Variants in ARHGEF11 observed in about 807,000 individuals in gnomAD.
ARHGEF11 encodes Rho guanine exchange factor (GEF) 11.
A neutral mutation model predicts 193.7 loss-of-function variants in ARHGEF11; 55 were observed. The ratio of observed to expected loss-of-function variants is 0.28; its 90% CI spans 0.23 to 0.36. The LOEUF (loss-of-function observed/expected upper bound fraction) is 0.36, where lower values mean the gene tolerates loss of function less well. ARHGEF11 is among the 10% of genes least tolerant of loss of function. The probability of loss-of-function intolerance (pLI) is 1.00; values close to 1 mark genes in which losing one functional copy is unlikely to be tolerated. For synonymous variants in ARHGEF11, 693 were observed against 768.0 expected (o/e 0.90, Z 1.62); for missense variants, 1,723 against 2,005.6 (o/e 0.86, Z 2.69).
At chr1:156,944,192 A>T in intron 31 of ARHGEF11, 90 bp from the exon 32 acceptor site, 1 of 1,519,410 alleles carries the variant, frequency 6.6e-7, no homozygotes, top group Non-Finnish European at 8.9e-7. Context: ...TGGAGGCTCT[A>T]GGAAGTCCTG....
intron 1 of ARHGEF11, among the ~76,000 whole-genome samples, chr1:157,023,626 C>CG (rs1670263648): frequency 6.6e-6 from 1 of 152,068 alleles, no homozygotes; most frequent in South Asian, 2.1e-4. Context: ...ATTAGCCAGA[C>CG]GCAGTGGCAT....
At chr1:157,012,843 G>C (rs1395952158) in intron 1 of ARHGEF11, among the ~76,000 whole-genome samples, 1 of 152,084 alleles carries the variant, frequency 6.6e-6, no homozygotes, top group Non-Finnish European at 1.5e-5. Flanking sequence ...CATCATCACC[G>C]CCATCCTCAT....
intron 1 of ARHGEF11, among the ~76,000 whole-genome samples, chr1:156,999,098 G>T (rs917176972): frequency 6.6e-6 from 1 of 152,206 alleles, no homozygotes; most frequent in Non-Finnish European, 1.5e-5. Flanking sequence ...TGGCAGCCTA[G>T]ACATCTGGGT....
chr1:156,941,448 C>T lies in ARHGEF11; in HGVS notation c.3453-15G>A. On this transcript the variant is annotated splice_polypyrimidine_tract_variant and intron_variant, in intron 34 of 40. Transcript: ENST00000368194. ...CCAGTTCTACCCTGAGGAAGGAAAC[C>T]AACACAGGATGAGATCCCATGAGAT... 6.2e-7 allele frequency: 1 copy of T among 1,612,950 alleles called. No individual in the cohort carries two copies. The highest frequency in any genetic ancestry group is 1.3e-5 in the African/African-American group (1 of 75,004).
In ARHGEF11 at chr1:156,957,797, G is replaced by A. The variant is rs759926466; in HGVS notation, c.1521C>T (p.Asp507=). The change falls in exon 18 of 41, where the codon GAC becomes GAT. Residue 507 remains aspartate (D), a synonymous_variant. Coordinates refer to ENST00000368194, the MANE Select transcript of ARHGEF11 (RefSeq NM_198236.3). ...CACATCATAGACTTGCTTACCTCCT[G>A]TCTTCCTCATACTTGGACCTGGAAT... The part of the protein sequence containing the change: ...LGDILSKYEE[D]RSAPMDFALN... The A allele has an allele frequency of 5.6e-6, 9 of 1,614,126 alleles. No homozygotes were observed. Among genetic ancestry groups the A allele is most frequent in the Non-Finnish European group, 6.8e-6 (8 of 1,179,984 alleles).
upstream of ARHGEF11, among the ~76,000 whole-genome samples, chr1:157,046,836 C>CG (rs1360558182): frequency 6.7e-6 from 1 of 149,734 alleles, no homozygotes; most frequent in Non-Finnish European, 1.5e-5. Flanking sequence ...ATGGTGAAAC[C>CG]CCCCCCCTCT....
At chr1:156,945,922 A>G in intron 29 of ARHGEF11, 123 bp downstream of exon 29, 1 of 719,460 alleles carries the variant, frequency 1.4e-6, no homozygotes, top group Non-Finnish European at 2.3e-6. Flanking sequence ...CCACAACAGA[A>G]AAAGGACGAA....
rs750442493 is a variant in ARHGEF11 at position 156,968,018 on chromosome 1, G to A, written c.932C>T (p.Ser311Leu). 1.1e-5 allele frequency: 17 copies of A among 1,614,076 alleles called. No homozygotes were observed. The highest frequency in any genetic ancestry group is 1.7e-5 in the Admixed American group (1 of 60,004). The change falls in exon 11 of 41, where the codon TCG (serine) becomes TTG (leucine). Residue 311 changes from serine to leucine, a missense_variant. Physicochemically the swap from Ser to Leu is moderately radical, Grantham distance 145. This residue lies in a region of ARHGEF11 where 646 missense variants were observed against 710.7 expected (regional missense o/e 0.91). Transcript: ENST00000368194. ...ACCGGTTGAGGGGACTGCTGCATCC[G>A]AGCCCTGCCGCCTGTGGTGCTGGGC... ...RVAQHHRRQGSDAAVPSTGDQ... is the reference protein window; with the variant it reads ...RVAQHHRRQGLDAAVPSTGDQ...
chr1:156,968,170 C>G lies in ARHGEF11; in HGVS notation c.826-46G>C, dbSNP rs202210014. The G allele has an allele frequency of 4.8e-5, 76 of 1,574,764 alleles. No homozygotes were observed. The African/African-American group carries it at 9.5e-4, about 20-fold the overall frequency. On this transcript the variant is annotated intron_variant, in intron 10 of 40. Transcript: ENST00000368194. ...GTGAGAAGGAACCTTGTCCGGAAGA[C>G]CCTCAAGGCTCAGCTCATTTGGTGT...
At chr1:156,986,735 T>G (rs1664975452) in intron 1 of ARHGEF11, among the ~76,000 whole-genome samples, 1 of 152,148 alleles carries the variant, frequency 6.6e-6, no homozygotes, top group East Asian at 1.9e-4. Context: ...TCTTTGTCCC[T>G]CAAAGTTCCA....
rs143001729 is a variant in ARHGEF11, at chr1:156,941,922, C to T, written c.3394G>A (p.Val1132Ile). Residue 1132 changes from valine (V) to isoleucine (I), a missense_variant, in exon 34 of 41, where the codon GTC (valine) becomes ATC (isoleucine). Coordinates refer to ENST00000368194, the MANE Select transcript of ARHGEF11 (RefSeq NM_198236.3). The part of the protein sequence containing the change: ...TRHPGAAPMP[V>I]HPPPPGPREP... ...CGGGGACCTGGGGGTGGAGGATGGA[C>T]GGGCATTGGGGCAGCTCCGGGGTGC... is the stretch of plus-strand genomic sequence containing the variant. 2.0e-4 allele frequency: 318 copies of T among 1,613,884 alleles called. 2 individuals are homozygous for T. Among genetic ancestry groups the T allele is most frequent in the Admixed American group, 1.8e-4 (11 of 59,990 alleles).
intron 1 of ARHGEF11, among the ~76,000 whole-genome samples, chr1:157,005,540 G>C (rs1363164814): frequency 6.6e-6 from 1 of 152,188 alleles, no homozygotes; most frequent in Non-Finnish European, 1.5e-5. Context: ...CTGGTTGACA[G>C]AGCAGACTGA....
intron 21 of ARHGEF11, 141 bp downstream of exon 21, chr1:156,954,751 A>G (rs1659697760): frequency 5.1e-6 from 4 of 790,280 alleles, no homozygotes; most frequent in South Asian, 4.7e-5. Context: ...AGCAACGCAT[A>G]AGAGAAATGG....
chr1:157,021,517 A>C (rs12125109), intron 1 of ARHGEF11, among the ~76,000 whole-genome samples: 24,868 of 152,170 alleles, frequency 0.16, 2,125 homozygotes, highest in East Asian at 0.33. Context: ...CATTAACAAG[A>C]CCACCCTCTG....
intron 11 of ARHGEF11, among the ~76,000 whole-genome samples, chr1:156,966,198 C>T (rs1661651774): frequency 6.6e-6 from 1 of 152,170 alleles, no homozygotes; most frequent in African/African-American, 2.4e-5. Context: ...ATTTCTCCCT[C>T]ATTATCCAAA....
chr1:157,010,518 C>A (rs1174289127), intron 1 of ARHGEF11, among the ~76,000 whole-genome samples: 2 of 152,164 alleles, frequency 1.3e-5, no homozygotes, highest in Admixed American at 1.3e-4. Flanking sequence ...AACTCCTGGG[C>A]TCAAGGGATC....
At chr1:156,961,849 G>C (rs1660906242) in intron 13 of ARHGEF11, 74 bp from the exon 14 acceptor site, 2 of 1,338,168 alleles carry the variant, frequency 1.5e-6, no homozygotes, top group Non-Finnish European at 2.1e-6. Context: ...GGGACGTTTG[G>C]CCATGTCTGG....
rs762132027 is a variant in ARHGEF11, at chr1:156,948,600, G to A, written c.1926-102C>T. 5.0e-6 allele frequency: 8 copies of A among 1,603,974 alleles called. No homozygotes were observed. Among genetic ancestry groups the A allele is most frequent in the South Asian group, 2.2e-5 (2 of 89,728 alleles). On this transcript the variant is annotated intron_variant, in intron 22 of 40. Coordinates refer to ENST00000368194, the MANE Select transcript of ARHGEF11 (RefSeq NM_198236.3). The surrounding 1 kb of genome is among the most constrained non-coding windows in gnomAD (Gnocchi z 4.2). ...GTGGCTCCATCTCAAAGATGCCTCC[G>A]TGCCACAGGTTCTCCTCCTGAACAT...
At chr1:157,031,276 T>TC (rs987278825) in intron 1 of ARHGEF11, among the ~76,000 whole-genome samples, 2 of 151,986 alleles carry the variant, frequency 1.3e-5, no homozygotes, top group African/African-American at 2.4e-5. Context: ...GAGTGGTCTC[T>TC]CCCCCCGTAT....
Sources: allele counts gnomAD v4.1 joint callset (sites outside exome capture counted in the v4.1 genomes callset), GRCh38; gene constraint gnomAD v4.1.1; regional missense constraint gnomAD v4.1.1; non-coding constraint Gnocchi (gnomAD v3.1); transcripts MANE v1.5; gene names NCBI Gene and HGNC (gene_info 2026-07-23, HGNC 2026-07-21).